CFAP97: variants seen among roughly 807,000 people sequenced by gnomAD.
CFAP97 encodes cilia and flagella associated protein 97, also known as cilia- and flagella-associated protein 97.
CFAP97 carries 36 observed loss-of-function variants against 43.1 expected under a neutral mutation model. That is an observed-to-expected ratio of 0.84 (90% CI 0.64 to 1.10). CFAP97 has a LOEUF of 1.10. CFAP97 is among the 50% of genes least tolerant of loss of function. The pLI is 0.00. For synonymous variants in CFAP97, 228 were observed against 225.7 expected (o/e 1.01, Z -0.09); for missense variants, 657 against 620.3 (o/e 1.06, Z -0.63).
chr4:185,177,782 C>T (rs6832490), intron 2 of CFAP97, among the ~76,000 whole-genome samples: 69,985 of 151,968 alleles, frequency 0.46, 16,147 homozygotes, highest in Middle Eastern at 0.56. Flanking sequence ...TTGCAGTGAG[C>T]GGAGATCATG....
At chr4:185,201,332 A>AC (rs1034011592) in intron 1 of CFAP97, among the ~76,000 whole-genome samples, 1 of 151,790 alleles carries the variant, frequency 6.6e-6, no homozygotes, top group Non-Finnish European at 1.5e-5. Flanking sequence ...CCTCAAAAAA[A>AC]AAAAAAAAAA....
At chr4:185,206,724 A>G (rs1737206005), upstream of CFAP97, among the ~76,000 whole-genome samples, 1 of 152,050 alleles carries the variant, frequency 6.6e-6, no homozygotes, top group Non-Finnish European at 1.5e-5. Flanking sequence ...AGACAGAACC[A>G]AAAGGATATA....
At position 185,188,418 on chromosome 4, in the gene CFAP97, C is replaced by A. The variant is rs137896665; in HGVS notation, c.1054+1725G>T. On this transcript the variant is annotated intron_variant, in intron 2 of 4. Coordinates refer to ENST00000458385, the MANE Select transcript of CFAP97 (RefSeq NM_020827.3). The stretch of plus-strand genomic sequence containing the variant: ...AGTGCAGTGGCACAATCTCAGCTCA[C>A]TGCAAACTCCGCCTCCCAGGCTCAA... Among the ~76,000 whole-genome samples, 167 of 152,110 alleles carry A rather than the reference C, an allele frequency of 1.1e-3. 1 individual carries two copies. The highest frequency in any genetic ancestry group is 3.8e-3 in the African/African-American group (156 of 41,478).
chr4:185,184,727 C>T (rs76263729), intron 2 of CFAP97, among the ~76,000 whole-genome samples: 5,929 of 152,224 alleles, frequency 0.039, 376 homozygotes, highest in African/African-American at 0.13. Flanking sequence ...TTCTTGTATT[C>T]AAAATCCTGG....
At chr4:185,184,536 A>G (rs772241488) in intron 2 of CFAP97, among the ~76,000 whole-genome samples, 2 of 152,184 alleles carry the variant, frequency 1.3e-5, no homozygotes, top group Admixed American at 1.3e-4. Context: ...GAAGGTGAAC[A>G]CTGAAAACGG....
chr4:185,174,165 AT>A (rs1735424554), intron 3 of CFAP97, among the ~76,000 whole-genome samples: 1 of 152,220 alleles, frequency 6.6e-6, no homozygotes, highest in African/African-American at 2.4e-5. Flanking sequence ...CACTTGTAAA[AT>A]AGTATGCACA....
chr4:185,207,970 G>A (rs559756363), upstream of CFAP97, among the ~76,000 whole-genome samples: 5 of 152,216 alleles, frequency 3.3e-5, no homozygotes, highest in Admixed American at 6.5e-5. Context: ...AGATTTGGTT[G>A]TTGTTGATAA....
At chr4:185,204,064 C>T (rs1463512568), upstream of CFAP97, 5 of 150,206 alleles carry the variant, frequency 3.3e-5, no homozygotes, top group East Asian at 2.0e-4. Context: ...GGGCGCACGC[C>T]GGGCCTCGTG....
rs1193630614 is a variant in CFAP97 at position 185,176,007 on chromosome 4, C to T, written c.1099G>A (p.Asp367Asn). The change falls in exon 3 of 5, where the codon GAT (aspartate) becomes AAT (asparagine). Residue 367 changes from aspartate to asparagine, a missense_variant. Physicochemically the swap from Asp to Asn is conservative, Grantham distance 23. Transcript: ENST00000458385. Reference protein sequence around the residue: ...DKKGPQKHHFDQPSVAPGKNY... With the variant: ...DKKGPQKHHFNQPSVAPGKNY... ...TTCCCGGGTGCTACTGAAGGCTGAT[C>T]AAAGTGATGTTTTTGTGGTCCTTTT... 24 of 1,605,492 alleles carry T rather than the reference C, an allele frequency of 1.5e-5. No individual in the cohort carries two copies. Among genetic ancestry groups the T allele is most frequent in the Non-Finnish European group, 2.0e-5 (23 of 1,176,720 alleles).
At chr4:185,207,753 C>G (rs1737250507), upstream of CFAP97, 1 of 152,068 alleles carries the variant, frequency 6.6e-6, no homozygotes, top group Admixed American at 6.6e-5. Context: ...CTTCAGTTCC[C>G]CGCTGTGTAG....
At chr4:185,192,393 T>C (rs1736302669) in intron 1 of CFAP97, among the ~76,000 whole-genome samples, 1 of 152,172 alleles carries the variant, frequency 6.6e-6, no homozygotes, top group Admixed American at 6.6e-5. Flanking sequence ...GAGTTAAGTA[T>C]TACAAAAAAT....
intron 2 of CFAP97, among the ~76,000 whole-genome samples, chr4:185,184,156 G>C (rs1579249281): frequency 1.3e-5 from 2 of 152,150 alleles, no homozygotes; most frequent in Non-Finnish European, 2.9e-5. Flanking sequence ...ACCAGTAGGG[G>C]CTGATTAGAA....
At chr4:185,203,701 A>G (rs2030800) in intron 1 of CFAP97, 197 bp downstream of exon 1, 89,085 of 151,586 alleles carry the variant, frequency 0.59, 26,498 homozygotes, top group Non-Finnish European at 0.65. Flanking sequence ...ACCGGGGTGG[A>G]ACGGCGCCGC....
intron 1 of CFAP97, among the ~76,000 whole-genome samples, chr4:185,199,934 C>G (rs528392590): frequency 2.1e-4 from 32 of 152,374 alleles, no homozygotes; most frequent in African/African-American, 7.7e-4. Flanking sequence ...CTAACAACAT[C>G]CACTCTGCAG....
upstream of CFAP97, among the ~76,000 whole-genome samples, chr4:185,205,580 G>A (rs1319795037): frequency 2.0e-5 from 3 of 152,106 alleles, no homozygotes; most frequent in Non-Finnish European, 2.9e-5. Flanking sequence ...TTGTAATTCC[G>A]CACTTTGAGA....
chr4:185,204,314 CTT>C (rs956189375), upstream of CFAP97: 2 of 152,212 alleles, frequency 1.3e-5, no homozygotes, highest in African/African-American at 2.4e-5. Flanking sequence ...CCTTGATTAT[CTT>C]GTAATTCTCT....
In CFAP97 at chr4:185,160,480, A is replaced by G. The variant is rs1403697866; in HGVS notation, c.*2318T>C. 3 of 152,304 alleles carry G rather than the reference A, an allele frequency of 2.0e-5. No individual in the cohort carries two copies. Among genetic ancestry groups the G allele is most frequent in the East Asian group, 3.9e-4 (2 of 5,190 alleles). The allele number at this position is 152,304 out of a possible 1,614,324, so 9.4% of individuals were successfully genotyped here. On this transcript the variant is annotated 3_prime_UTR_variant, in exon 5 of 5. Transcript: ENST00000458385. ...CCTTCTTAAGAATGTCCCTTAAACT[A>G]TAACAACTTCATAGCATCTTGACTT...
intron 3 of CFAP97, among the ~76,000 whole-genome samples, chr4:185,175,353 G>A (rs1000367207): frequency 8.6e-5 from 13 of 151,504 alleles, no homozygotes; most frequent in Admixed American, 5.9e-4. Flanking sequence ...TGTAACCTCC[G>A]CCTCCCGGGT....
chr4:185,170,354 T>C (rs529955206), intron 3 of CFAP97: 3 of 538,046 alleles, frequency 5.6e-6, no homozygotes, highest in South Asian at 5.2e-5. Context: ...AATAAATAAA[T>C]AAAATAAAGT....
Sources: allele counts gnomAD v4.1 joint callset (sites outside exome capture counted in the v4.1 genomes callset), GRCh38; gene constraint gnomAD v4.1.1; transcripts MANE v1.5; gene names NCBI Gene and HGNC (gene_info 2026-07-23, HGNC 2026-07-21).